Variants in GALNT13 observed in about 807,000 individuals in gnomAD.
GALNT13 encodes polypeptide N-acetylgalactosaminyltransferase 13, also known as UDP-GalNAc:polypeptide N-acetylgalactosaminyltransferase 13.
In GALNT13, 28 loss-of-function variants were observed where a neutral mutation model predicts 64.2. The ratio of observed to expected loss-of-function variants is 0.44; its 90% CI spans 0.32 to 0.60. The LOEUF is 0.60. GALNT13 is among the 20% of genes least tolerant of loss of function. The pLI is 0.05. For synonymous variants in GALNT13, 214 were observed against 224.6 expected, an observed-to-expected ratio of 0.95 and a Z score of 0.42; for missense variants, 577 against 669.8, an observed-to-expected ratio of 0.86 and a Z score of 1.53.
chr2:153,538,064 A>AGTTTGGAAC, the GALNT13 span, among the ~76,000 whole-genome samples: 1 of 152,186 alleles, frequency 6.6e-6, no homozygotes, highest in African/African-American at 2.4e-5. Flanking sequence ...AATGTGGGAA[A>AGTTTGGAAC]GTTTGGAACT....
chr2:153,285,780 C>A, the GALNT13 span, among the ~76,000 whole-genome samples: 1 of 151,350 alleles, frequency 6.6e-6, no homozygotes, highest in Non-Finnish European at 1.5e-5. Flanking sequence ...AAGCACTAGC[C>A]AATGCAATTA....
At chr2:153,140,410 A>G in the GALNT13 span, among the ~76,000 whole-genome samples, 1 of 152,052 alleles carries the variant, frequency 6.6e-6, no homozygotes, top group East Asian at 1.9e-4. Flanking sequence ...TTATAGAGAA[A>G]ATGTGAGCAA....
the GALNT13 span, among the ~76,000 whole-genome samples, chr2:153,792,534 A>T: frequency 6.6e-6 from 1 of 152,182 alleles, no homozygotes; most frequent in South Asian, 2.1e-4. Context: ...TGATTTAATT[A>T]TTTAATTTGG....
intron 9 of GALNT13, among the ~76,000 whole-genome samples, chr2:154,365,285 G>A (rs1265934627): frequency 6.6e-6 from 1 of 152,092 alleles, no homozygotes; most frequent in Non-Finnish European, 1.5e-5. Flanking sequence ...ACAATCAATT[G>A]TTGGATATAA....
At chr2:153,697,736 A>T in the GALNT13 span, among the ~76,000 whole-genome samples, 2 of 152,190 alleles carry the variant, frequency 1.3e-5, no homozygotes, top group Non-Finnish European at 1.5e-5. Context: ...TAAAGGTCCT[A>T]GTAAGAATGC....
At chr2:153,638,010 T>C in the GALNT13 span, among the ~76,000 whole-genome samples, 43 of 152,196 alleles carry the variant, frequency 2.8e-4, no homozygotes, top group East Asian at 8.1e-3. Context: ...GTTTATTTGA[T>C]GTAGGTGGAC....
the GALNT13 span, among the ~76,000 whole-genome samples, chr2:153,661,375 AC>A: frequency 1.3e-5 from 2 of 152,154 alleles, no homozygotes; most frequent in South Asian, 4.1e-4. Flanking sequence ...TAACTTAAAA[AC>A]AATACATGAT....
At chr2:153,912,724 ACT>A (rs1558849371) in intron 2 of GALNT13, among the ~76,000 whole-genome samples, 1 of 151,606 alleles carries the variant, frequency 6.6e-6, no homozygotes, top group Admixed American at 6.6e-5. Context: ...ATTCTGGGTG[ACT>A]CTTATTGGGC....
Position 154,275,990 on chromosome 2 carries a change from C to A in GALNT13, c.975+16852C>A, listed in dbSNP as rs371020066. Among the ~76,000 whole-genome samples the A allele has an allele frequency of 1.1e-3, 172 of 152,234 alleles. 3 individuals are homozygous for A. The South Asian group carries it at 0.034, about 30-fold the overall frequency. On this transcript the variant is annotated intron_variant, in intron 8 of 12. Transcript: ENST00000392825. ...AATGACTGCCCTGTTGGATTTTGGG[C>A]TTGCATTGGGCCTGTAGCTTCTTTG... is the stretch of plus-strand genomic sequence containing the variant.
the GALNT13 span, among the ~76,000 whole-genome samples, chr2:153,767,708 T>G: frequency 0.01 from 1,560 of 152,308 alleles, 24 homozygotes; most frequent in African/African-American, 0.034. Flanking sequence ...TTACTGATGT[T>G]GAGCATATTT....
chr2:153,288,164 A>G, the GALNT13 span, among the ~76,000 whole-genome samples: 7 of 152,148 alleles, frequency 4.6e-5, no homozygotes, highest in Non-Finnish European at 8.8e-5. Flanking sequence ...ATGTGCAAAG[A>G]TTTGCTTGTT....
chr2:154,066,925 C>G (rs1432262038), intron 3 of GALNT13, among the ~76,000 whole-genome samples: 1 of 151,952 alleles, frequency 6.6e-6, no homozygotes, highest in Admixed American at 6.6e-5. Flanking sequence ...ATAACAACAA[C>G]TTTCCAAGAC....
chr2:153,178,935 G>A, the GALNT13 span, among the ~76,000 whole-genome samples: 1 of 151,406 alleles, frequency 6.6e-6, no homozygotes, highest in African/African-American at 2.4e-5. Flanking sequence ...TAGAGATGGG[G>A]TTTCACCATG....
At chr2:153,584,792 A>T in the GALNT13 span, among the ~76,000 whole-genome samples, 2 of 152,138 alleles carry the variant, frequency 1.3e-5, no homozygotes, top group African/African-American at 2.4e-5. Flanking sequence ...CAATAGCAGC[A>T]CCCTAACATG....
chr2:153,669,787 C>T, the GALNT13 span, among the ~76,000 whole-genome samples: 21 of 152,262 alleles, frequency 1.4e-4, no homozygotes, highest in African/African-American at 4.3e-4. Context: ...CGTGAGTGAC[C>T]GTACCTGGAG....
chr2:154,025,174 C>G (rs948295046), intron 3 of GALNT13, among the ~76,000 whole-genome samples: 9 of 152,154 alleles, frequency 5.9e-5, no homozygotes, highest in African/African-American at 2.2e-4. Context: ...TGCCCATTCT[C>G]AGATCTCAAG....
At chr2:153,195,921 G>A in the GALNT13 span, among the ~76,000 whole-genome samples, 1 of 152,170 alleles carries the variant, frequency 6.6e-6, no homozygotes, top group Non-Finnish European at 1.5e-5. Context: ...TACTAGCAGA[G>A]AGGGTAGCTC....
At chr2:153,944,710 T>C in intron 3 of GALNT13, 71 bp downstream of exon 3, 2 of 1,336,716 alleles carry the variant, frequency 1.5e-6, no homozygotes, top group Non-Finnish European at 1.0e-6. Context: ...AATGAGAAAC[T>C]TCAGAATCAG....
At chr2:154,291,975 T>A (rs1364207090) in intron 8 of GALNT13, among the ~76,000 whole-genome samples, 2 of 152,220 alleles carry the variant, frequency 1.3e-5, no homozygotes, top group African/African-American at 4.8e-5. Flanking sequence ...CTGTAAAGAC[T>A]GCAAAAGTTG....
Sources: allele counts gnomAD v4.1 joint callset (sites outside exome capture counted in the v4.1 genomes callset), GRCh38; gene constraint gnomAD v4.1.1; transcripts MANE v1.5; gene names NCBI Gene and HGNC (gene_info 2026-07-23, HGNC 2026-07-21).